PLCL2: variants seen among roughly 807,000 people sequenced by gnomAD.
The protein encoded by PLCL2 is inactive phospholipase C-like protein 2.
PLCL2 carries 4 observed loss-of-function variants against 79.6 expected under a neutral mutation model. That is an observed-to-expected ratio of 0.05 (90% confidence interval 0.02 to 0.11). The LOEUF (loss-of-function observed/expected upper bound fraction) is 0.11, where lower values mean the gene tolerates loss of function less well. Among genes scored for constraint, PLCL2 ranks in the 10% least tolerant of loss-of-function variants. PLCL2 has a pLI of 1.00. For synonymous variants in PLCL2, 484 were observed against 457.7 expected (o/e 1.06, Z -0.73); for missense variants, 895 against 1,291.0 (o/e 0.69, Z 4.70).
intron 3 of PLCL2, among the ~76,000 whole-genome samples, chr3:17,033,883 G>A (rs1359521765): frequency 6.6e-6 from 1 of 151,922 alleles, no homozygotes; most frequent in Admixed American, 6.6e-5. Flanking sequence ...CTTTTTTTAT[G>A]TGTCACTGCA....
chr3:17,073,670 C>T (rs2065082951), intron 5 of PLCL2, among the ~76,000 whole-genome samples: 1 of 152,198 alleles, frequency 6.6e-6, no homozygotes, highest in Non-Finnish European at 1.5e-5. Flanking sequence ...ATTCCTTTAT[C>T]AATTAAGTGT....
chr3:16,969,893 T>C (rs2063841001), intron 1 of PLCL2, among the ~76,000 whole-genome samples: 1 of 151,950 alleles, frequency 6.6e-6, no homozygotes, highest in African/African-American at 2.4e-5. Context: ...CCAGAGATTC[T>C]GGTATGTTCT....
At chr3:17,005,298 C>A (rs758324567) in intron 1 of PLCL2, among the ~76,000 whole-genome samples, 2 of 152,130 alleles carry the variant, frequency 1.3e-5, no homozygotes, top group Non-Finnish European at 2.9e-5. Flanking sequence ...TTCTCCAGAG[C>A]GAGCTAAATC....
intron 5 of PLCL2, among the ~76,000 whole-genome samples, chr3:17,079,112 G>T (rs919151980): frequency 3.3e-5 from 5 of 152,070 alleles, no homozygotes; most frequent in Admixed American, 2.6e-4. Flanking sequence ...CGCGAAGGAG[G>T]TGCTTACGTG....
chr3:17,040,583 G>A (rs1158908191), intron 3 of PLCL2, among the ~76,000 whole-genome samples: 1 of 152,166 alleles, frequency 6.6e-6, no homozygotes, highest in South Asian at 2.1e-4. Flanking sequence ...CGTGACAGCT[G>A]CCGCTTGCAA....
In PLCL2 at chr3:16,987,054, G is replaced by T. The variant is rs575823397; in HGVS notation, c.328-22620G>T. Among the ~76,000 whole-genome samples the T allele has an allele frequency of 8.2e-4, 124 of 151,670 alleles. 2 individuals are homozygous for T. The highest frequency in any genetic ancestry group is 2.9e-3 in the African/African-American group (120 of 41,324). Reference sequence around the variant, plus strand: ...TGGGTGCCAGACCCCATAAATGTCAGACTTTTTTTTCCTGTACCTTCATTA... The same window carrying T: ...TGGGTGCCAGACCCCATAAATGTCATACTTTTTTTTCCTGTACCTTCATTA... On this transcript the variant is annotated intron_variant, in intron 1 of 5. Transcript: ENST00000615277.
At chr3:17,052,669 T>G (rs902055708) in intron 4 of PLCL2, among the ~76,000 whole-genome samples, 1 of 152,276 alleles carries the variant, frequency 6.6e-6, no homozygotes, top group Non-Finnish European at 1.5e-5. Context: ...CCACCTCTTC[T>G]GCCTCTGCCA....
chr3:17,061,811 T>C (rs1164979912), intron 4 of PLCL2, among the ~76,000 whole-genome samples: 1 of 152,228 alleles, frequency 6.6e-6, no homozygotes, highest in Admixed American at 6.5e-5. Flanking sequence ...CACCATGAAC[T>C]GATGGCTTCA....
At chr3:16,908,876 A>G (rs1244340403) in intron 1 of PLCL2, among the ~76,000 whole-genome samples, 1 of 152,238 alleles carries the variant, frequency 6.6e-6, no homozygotes, top group Non-Finnish European at 1.5e-5. Flanking sequence ...TAATGTATCA[A>G]CATACATTTA....
chr3:16,938,614 T>C (rs1396041413), intron 1 of PLCL2, among the ~76,000 whole-genome samples: 1 of 152,228 alleles, frequency 6.6e-6, no homozygotes, highest in African/African-American at 2.4e-5. Context: ...AATAGTAATC[T>C]TTTTTGTTGC....
intron 3 of PLCL2, among the ~76,000 whole-genome samples, chr3:17,019,222 A>T (rs959779009): frequency 6.6e-6 from 1 of 152,206 alleles, no homozygotes; most frequent in Non-Finnish European, 1.5e-5. Flanking sequence ...TCACAGGTGA[A>T]ATATGCTCAA....
chr3:17,060,562 C>T (rs746825041), intron 4 of PLCL2, among the ~76,000 whole-genome samples: 2 of 152,096 alleles, frequency 1.3e-5, no homozygotes, highest in Non-Finnish European at 2.9e-5. Flanking sequence ...TTCAGACCTC[C>T]GGAGTTTTGA....
intron 1 of PLCL2, among the ~76,000 whole-genome samples, chr3:16,936,758 C>A (rs1001409318): frequency 6.6e-6 from 1 of 150,950 alleles, no homozygotes; most frequent in African/African-American, 2.4e-5. Context: ...CATATTTTTT[C>A]AAAAAAACGA....
chr3:16,945,875 C>T (rs544074977), intron 1 of PLCL2, among the ~76,000 whole-genome samples: 2 of 152,364 alleles, frequency 1.3e-5, no homozygotes, highest in East Asian at 3.9e-4. Context: ...TTCCTTTTAT[C>T]TTCTGCAGGT....
Position 16,885,062 on chromosome 3 carries a change from G to C in PLCL2, c.23G>C (p.Gly8Ala). MAECGRGGAAGGALPTSP... is the reference protein window; with the variant it reads MAECGRGAAAGGALPTSP... ...CCCATGGCGGAGTGCGGCCGGGGGG[G>C]CGCCGCCGGCGGGGCCCTGCCCACC... Residue 8 changes from glycine to alanine, a missense_variant, in exon 1 of 6, where the codon GGC becomes GCC. This residue lies in a region of PLCL2 where 110 missense variants were observed against 42.9 expected (regional missense o/e 2.56). Transcript: ENST00000615277. The C allele has an allele frequency of 2.7e-6, 1 of 375,288 alleles. No individual in the cohort carries two copies. Among genetic ancestry groups the C allele is most frequent in the Non-Finnish European group, 4.7e-6 (1 of 211,432 alleles). 23.2% of individuals were successfully genotyped at this position (375,288 alleles called of 1,614,324 possible). A position where few individuals can be genotyped will look rare whatever the true frequency, so the allele number is the denominator to read the frequency against.
intron 1 of PLCL2, among the ~76,000 whole-genome samples, chr3:16,988,078 G>T (rs750170417): frequency 5.5e-4 from 84 of 152,092 alleles, no homozygotes; most frequent in Admixed American, 3.6e-3. Context: ...AATTCTACTA[G>T]GCTAAAGAAA....
intron 1 of PLCL2, among the ~76,000 whole-genome samples, chr3:16,994,953 G>A (rs988412752): frequency 6.6e-6 from 1 of 152,254 alleles, no homozygotes; most frequent in Non-Finnish European, 1.5e-5. Flanking sequence ...GCTGAGATTG[G>A]AGAATCTGAA....
intron 3 of PLCL2, among the ~76,000 whole-genome samples, chr3:17,025,682 T>C (rs2064510581): frequency 6.6e-6 from 1 of 152,214 alleles, no homozygotes; most frequent in Non-Finnish European, 1.5e-5. Context: ...CTGTCTGTTA[T>C]GTCCCTGGTC....
At chr3:16,909,035 C>T (rs1336168210) in intron 1 of PLCL2, among the ~76,000 whole-genome samples, 2 of 152,152 alleles carry the variant, frequency 1.3e-5, no homozygotes, top group Non-Finnish European at 2.9e-5. Flanking sequence ...TATATGATGA[C>T]ATCCCAGAGG....
Sources: allele counts gnomAD v4.1 joint callset (sites outside exome capture counted in the v4.1 genomes callset), GRCh38; gene constraint gnomAD v4.1.1; regional missense constraint gnomAD v4.1.1; transcripts MANE v1.5; gene names NCBI Gene and HGNC (gene_info 2026-07-23, HGNC 2026-07-21).